The following PDGFD variants were observed in gnomAD, a reference collection of about 807,000 sequenced individuals.
PDGFD encodes the protein platelet derived growth factor D.
In PDGFD, 30 loss-of-function variants were observed where a neutral mutation model predicts 44.7. The observed-to-expected ratio is 0.67, with a 90% CI of 0.50 to 0.91. The LOEUF (loss-of-function observed/expected upper bound fraction) is 0.91, where lower values mean the gene tolerates loss of function less well. PDGFD is among the 40% of genes least tolerant of loss of function. PDGFD has a pLI of 0.00. For synonymous variants in PDGFD, 173 were observed against 168.4 expected, an observed-to-expected ratio of 1.03 and a Z score of -0.21; for missense variants, 445 against 457.8, an observed-to-expected ratio of 0.97 and a Z score of 0.25.
At chr11:103,998,687 C>G (rs889802345) in intron 2 of PDGFD, among the ~76,000 whole-genome samples, 1 of 152,148 alleles carries the variant, frequency 6.6e-6, no homozygotes, top group African/African-American at 2.4e-5. Flanking sequence ...GCTGGTTGAT[C>G]AGAAGTAGGA....
At chr11:104,118,783 A>C (rs1282331608) in intron 1 of PDGFD, among the ~76,000 whole-genome samples, 2 of 112,542 alleles carry the variant, frequency 1.8e-5, no homozygotes, top group Admixed American at 1.3e-4. Flanking sequence ...TATATAATAT[A>C]TTATATATTA....
chr11:103,942,993 A>G (rs768953674), intron 5 of PDGFD, among the ~76,000 whole-genome samples: 2 of 152,142 alleles, frequency 1.3e-5, no homozygotes, highest in South Asian at 2.1e-4. Flanking sequence ...TATGACCTAT[A>G]TATCTTTCAC....
At position 104,103,407 on chromosome 11, in the gene PDGFD, C is replaced by T. The variant is rs1350008819; in HGVS notation, c.124+60397G>A. ...CTTTCACCTGAACATATTTCTTTCC[C>T]CTTCTCAATGAGCAAAATATTCAAA... On this transcript the variant is annotated intron_variant, in intron 1 of 6. Coordinates refer to ENST00000393158, the MANE Select transcript of PDGFD (RefSeq NM_025208.5). Among the ~76,000 whole-genome samples the T allele has an allele frequency of 3.3e-5, 5 of 149,740 alleles. No homozygotes were observed. The Admixed American group carries it at 3.3e-4, about 10-fold the overall frequency.
intron 3 of PDGFD, among the ~76,000 whole-genome samples, chr11:103,965,810 G>A (rs974874994): frequency 2.0e-5 from 3 of 152,118 alleles, no homozygotes; most frequent in Non-Finnish European, 4.4e-5. Context: ...CACCTGCACT[G>A]AGCAAAATGG....
intron 3 of PDGFD, among the ~76,000 whole-genome samples, chr11:103,955,935 T>C (rs984799018): frequency 2.6e-5 from 4 of 152,174 alleles, no homozygotes. Context: ...GATTCATTAA[T>C]CAATCATCCA....
intron 1 of PDGFD, among the ~76,000 whole-genome samples, chr11:104,107,998 A>G (rs1861494731): frequency 6.6e-6 from 1 of 152,150 alleles, no homozygotes; most frequent in Non-Finnish European, 1.5e-5. Flanking sequence ...AAATAAATAA[A>G]TAAGATAGAA....
chr11:103,910,333 G>A (rs1375542618), intron 6 of PDGFD, among the ~76,000 whole-genome samples: 19 of 152,220 alleles, frequency 1.2e-4, no homozygotes, highest in Admixed American at 1.2e-3. Context: ...AACAGCTCTG[G>A]TCTGCAGTTC....
At chr11:104,036,991 G>T in intron 1 of PDGFD, 1 of 1,614,248 alleles carries the variant, frequency 6.2e-7, no homozygotes, top group South Asian at 1.1e-5. Context: ...CCTCATCGAG[G>T]ACCACTGTTC....
chr11:103,983,488 C>T (rs143425504), intron 3 of PDGFD, among the ~76,000 whole-genome samples: 2,508 of 150,526 alleles, frequency 0.017, 124 homozygotes, highest in African/African-American at 0.057. Flanking sequence ...TTAGGCAATA[C>T]CATTCAGGAC....
intron 1 of PDGFD, among the ~76,000 whole-genome samples, chr11:104,121,662 G>C (rs901033925): frequency 2.0e-5 from 3 of 152,036 alleles, no homozygotes; most frequent in African/African-American, 7.2e-5. Flanking sequence ...TGTGTAAAAT[G>C]TGTGTACACA....
intron 6 of PDGFD, among the ~76,000 whole-genome samples, chr11:103,923,383 C>T (rs1017056414): frequency 7.2e-5 from 11 of 152,172 alleles, no homozygotes; most frequent in African/African-American, 2.4e-4. Flanking sequence ...GCAATATTAG[C>T]TTCGTTAGAA....
At chr11:103,943,936 A>C (rs1858632173) in intron 4 of PDGFD, among the ~76,000 whole-genome samples, 1 of 152,160 alleles carries the variant, frequency 6.6e-6, no homozygotes, top group African/African-American at 2.4e-5. Flanking sequence ...AACGAGATAG[A>C]AATATATAAA....
Position 104,047,745 on chromosome 11 carries a change from T to C in PDGFD, c.125-47490A>G, listed in dbSNP as rs190449970. ...TCAAATTTCCACTCCACTATAACTT[T>C]CCATGGTTTTATGAAGGTCTAAAAC... On this transcript the variant is annotated intron_variant, in intron 1 of 6. Coordinates refer to ENST00000393158, the MANE Select transcript of PDGFD (RefSeq NM_025208.5). Among the ~76,000 whole-genome samples, 212 of 151,332 alleles carry C rather than the reference T, an allele frequency of 1.4e-3. 9 individuals are homozygous for C. Among genetic ancestry groups the C allele is most frequent in the African/African-American group, 4.5e-3 (186 of 41,364 alleles).
At position 104,109,835 on chromosome 11, in the gene PDGFD, G is replaced by A. The variant is rs540814483; in HGVS notation, c.124+53969C>T. On this transcript the variant is annotated intron_variant, in intron 1 of 6. Transcript: ENST00000393158. Reference sequence around the variant, plus strand: ...GTGGCCTTATTTTCAATATAGCAGAGTGCAGAGGTTAATAGAGTGTGCTCT... The same window carrying A: ...GTGGCCTTATTTTCAATATAGCAGAATGCAGAGGTTAATAGAGTGTGCTCT... Among the ~76,000 whole-genome samples, 11 of 152,224 alleles carry A rather than the reference G, an allele frequency of 7.2e-5. No individual in the cohort carries two copies. The South Asian group carries it at 2.1e-3, about 29-fold the overall frequency.
rs139050590 is a variant in PDGFD at position 104,077,006 on chromosome 11, T to C, written c.125-76751A>G. Among the ~76,000 whole-genome samples, 133 of 152,362 alleles carry C rather than the reference T, an allele frequency of 8.7e-4. 2 individuals carry two copies. Among genetic ancestry groups the C allele is most frequent in the African/African-American group, 3.1e-3 (130 of 41,596 alleles). ...ATATAACATACAATATATGTGTTAA[T>C]TGACTGTTTATAATATCAGTAAGGA... On this transcript the variant is annotated intron_variant, in intron 1 of 6. Coordinates refer to ENST00000393158, the MANE Select transcript of PDGFD (RefSeq NM_025208.5).
chr11:104,101,061 G>A (rs189841135), intron 1 of PDGFD, among the ~76,000 whole-genome samples: 15 of 151,980 alleles, frequency 9.9e-5, no homozygotes, highest in South Asian at 2.1e-4. Context: ...ATGCCCTCTC[G>A]CACCACTCCT....
At position 103,999,394 on chromosome 11, in the gene PDGFD, AG is replaced by A. The variant is rs1276078626; in HGVS notation, c.329+656del. Among the ~76,000 whole-genome samples the A allele has an allele frequency of 5.3e-5, 8 of 152,344 alleles. No individual in the cohort carries two copies. In the South Asian group the frequency reaches 6.2e-4, roughly 12 times the overall value. On this transcript the variant is annotated intron_variant, in intron 2 of 6. Coordinates refer to ENST00000393158, the MANE Select transcript of PDGFD (RefSeq NM_025208.5). ...TGTGAGCGGACATTCAAAGAACAAC[AG>A]TCCAGGCTTTCTTTGATAAATATGC... is the stretch of plus-strand genomic sequence containing the variant.
intron 1 of PDGFD, among the ~76,000 whole-genome samples, chr11:104,093,572 C>T (rs1435783828): frequency 6.6e-6 from 1 of 152,094 alleles, no homozygotes; most frequent in Non-Finnish European, 1.5e-5. Context: ...AATGTGTACA[C>T]TTCCCACAGT....
intron 1 of PDGFD, among the ~76,000 whole-genome samples, chr11:104,074,675 G>A (rs1366303107): frequency 2.0e-5 from 3 of 152,116 alleles, no homozygotes; most frequent in Non-Finnish European, 4.4e-5. Context: ...GCAACTCTAT[G>A]GATGAATCTT....
Sources: gnomAD v4.1 joint callset for allele counts (sites outside exome capture counted in the v4.1 genomes callset) on GRCh38, gnomAD v4.1.1 for gene constraint, MANE v1.5 for transcripts, NCBI Gene and HGNC (gene_info 2026-07-23, HGNC 2026-07-21) for gene names.